Variants in CPNE4 observed in about 807,000 individuals in gnomAD.
CPNE4 encodes copine-4.
Under a neutral mutation model 67.9 loss-of-function variants are expected in CPNE4, and 25 were observed. That is an observed-to-expected ratio of 0.37 (90% CI 0.27 to 0.51). CPNE4 has a LOEUF of 0.51. CPNE4 is among the 20% of genes least tolerant of loss of function. The pLI, the probability that CPNE4 is intolerant of heterozygous loss-of-function variation, is 0.93. For missense variants in CPNE4, 464 were observed against 690.8 expected, an observed-to-expected ratio of 0.67 and a Z score of 3.68; for synonymous variants, 242 against 244.9, an observed-to-expected ratio of 0.99 and a Z score of 0.11.
rs553254068 is a variant in CPNE4, at chr3:131,886,500, G to A, written c.180+18764C>T. 5.4e-4 allele frequency among the ~76,000 whole-genome samples: 83 copies of A among 152,320 alleles called. No individual in the cohort carries two copies. The South Asian group carries it at 0.014, about 26-fold the overall frequency. On this transcript the variant is annotated intron_variant, in intron 2 of 15. Transcript: ENST00000429747. ...CACACAGAGTCCCTACTGGGGCATC[G>A]CCAGAGGAGCTGTGAGAAGAGGGCC...
At chr3:131,696,107 GCTGA>G (rs72398461) in intron 5 of CPNE4, among the ~76,000 whole-genome samples, 12,102 of 152,150 alleles carry the variant, frequency 0.08, 641 homozygotes, top group Non-Finnish European at 0.11. Context: ...GCATAAGTGG[GCTGA>G]CTATTAATAC....
chr3:131,626,113 C>G (rs943230038), intron 7 of CPNE4, among the ~76,000 whole-genome samples: 4 of 152,210 alleles, frequency 2.6e-5, no homozygotes, highest in African/African-American at 9.6e-5. Context: ...CTCTCTCCCT[C>G]TCCTTGGGCC....
At chr3:131,751,685 T>C (rs1011563536) in intron 2 of CPNE4, among the ~76,000 whole-genome samples, 2 of 152,192 alleles carry the variant, frequency 1.3e-5, no homozygotes, top group Non-Finnish European at 2.9e-5. Flanking sequence ...TCCTGGCTTT[T>C]GGTATGACAA....
rs559830791 is a variant in CPNE4, at chr3:131,560,987, G to T, written c.1061+3229C>A. Among the ~76,000 whole-genome samples, 5 of 152,174 alleles carry T rather than the reference G, an allele frequency of 3.3e-5. No individual in the cohort carries two copies. The South Asian group carries it at 6.2e-4, about 19-fold the overall frequency. Reference sequence around the variant, plus strand: ...ACTGTCTTCTCATCACTAAGCAACTGCTCTACACTTGAAAATACCTGTCAG... The same window carrying T: ...ACTGTCTTCTCATCACTAAGCAACTTCTCTACACTTGAAAATACCTGTCAG... On this transcript the variant is annotated intron_variant, in intron 11 of 15. Coordinates refer to ENST00000429747, the MANE Select transcript of CPNE4 (RefSeq NM_130808.3).
At chr3:131,556,926 C>T (rs562642397) in intron 11 of CPNE4, among the ~76,000 whole-genome samples, 1 of 152,218 alleles carries the variant, frequency 6.6e-6, no homozygotes, top group South Asian at 2.1e-4. Context: ...CTCACACAAT[C>T]CTGGAAGCTT....
chr3:131,682,869 C>T (rs981868948), intron 6 of CPNE4, among the ~76,000 whole-genome samples: 2 of 152,042 alleles, frequency 1.3e-5, no homozygotes, highest in African/African-American at 4.8e-5. Context: ...TTTTCCCACT[C>T]TTCCCTCCCC....
At chr3:131,769,323 C>T (rs1169762399) in intron 2 of CPNE4, among the ~76,000 whole-genome samples, 1 of 152,078 alleles carries the variant, frequency 6.6e-6, no homozygotes, top group East Asian at 1.9e-4. Flanking sequence ...TGCCCGGTTC[C>T]CTTCCTCTGA....
At chr3:131,987,223 A>C (rs543163924) in intron 1 of CPNE4, among the ~76,000 whole-genome samples, 1 of 152,330 alleles carries the variant, frequency 6.6e-6, no homozygotes, top group Non-Finnish European at 1.5e-5. Flanking sequence ...ACGATAGTAG[A>C]AGTAAAACCA....
chr3:131,804,827 T>C (rs2084254146), intron 2 of CPNE4, among the ~76,000 whole-genome samples: 1 of 152,220 alleles, frequency 6.6e-6, no homozygotes, highest in Admixed American at 6.5e-5. Flanking sequence ...AGTCTTCCCA[T>C]TTGCCCTTGT....
intron 2 of CPNE4, among the ~76,000 whole-genome samples, chr3:131,861,586 A>G (rs533062158): frequency 6.6e-6 from 1 of 152,000 alleles, no homozygotes; most frequent in African/African-American, 2.4e-5. Flanking sequence ...GCCTGCCACC[A>G]TGCTCGGCTA....
chr3:131,733,538 G>C (rs1221800814), intron 2 of CPNE4, among the ~76,000 whole-genome samples: 3 of 152,208 alleles, frequency 2.0e-5, no homozygotes, highest in Non-Finnish European at 4.4e-5. Flanking sequence ...CCCAACTCCA[G>C]CTGTAAGCTG....
intron 7 of CPNE4, among the ~76,000 whole-genome samples, chr3:131,654,969 T>C (rs2079914834): frequency 2.0e-5 from 3 of 152,220 alleles, no homozygotes; most frequent in Non-Finnish European, 4.4e-5. Context: ...ACTCCAAAGC[T>C]TTCTTCTTGC....
intron 3 of CPNE4, among the ~76,000 whole-genome samples, chr3:131,717,264 A>T (rs1421015034): frequency 6.6e-6 from 1 of 151,992 alleles, no homozygotes; most frequent in Non-Finnish European, 1.5e-5. Context: ...CTTAAAGACA[A>T]CATCGAGTTC....
chr3:131,579,093 G>T lies in CPNE4; in HGVS notation c.867+2486C>A, dbSNP rs138524952. ...CTGCCTGGCTTCAAATCTTCAAAGG[G>T]CAGGCTTACTTTCTTATTAGGGGCC... On this transcript the variant is annotated intron_variant, in intron 9 of 15. Coordinates refer to ENST00000429747, the MANE Select transcript of CPNE4 (RefSeq NM_130808.3). 1.3e-3 allele frequency among the ~76,000 whole-genome samples: 195 copies of T among 152,274 alleles called. 2 individuals are homozygous for T. The highest frequency in any genetic ancestry group is 3.4e-3 in the Middle Eastern group (1 of 294).
chr3:131,836,771 T>C (rs1003828584), intron 2 of CPNE4, among the ~76,000 whole-genome samples: 2 of 152,198 alleles, frequency 1.3e-5, no homozygotes, highest in Admixed American at 6.5e-5. Context: ...GGCACTGTTA[T>C]GAGAATGAAA....
chr3:131,846,301 A>C (rs1212185497), intron 2 of CPNE4, among the ~76,000 whole-genome samples: 7 of 152,202 alleles, frequency 4.6e-5, no homozygotes. Flanking sequence ...TTTAGTACAG[A>C]TCCTCTGGAA....
chr3:131,685,884 G>C lies in CPNE4; in HGVS notation c.582C>G (p.His194Gln). 2 of 1,611,134 alleles carry C rather than the reference G, an allele frequency of 1.2e-6. No individual in the cohort carries two copies. The highest frequency in any genetic ancestry group is 1.7e-6 in the Non-Finnish European group (2 of 1,177,412). Residue 194 changes from histidine to glutamine, a missense_variant, in exon 6 of 16, where the codon CAC (histidine) becomes CAG (glutamine). By Grantham distance (24) the His-to-Gln change is conservative. This residue lies in a region of CPNE4 where 58 missense variants were observed against 63.5 expected (regional missense o/e 0.91). Transcript: ENST00000429747. The stretch of plus-strand genomic sequence containing the variant: ...TGAAGATGACTCTTACCTCAGTTCG[G>C]TGCACCAGCTGCTGAGTTGCATCAT... The part of the protein sequence containing the change: ...MNDDATQQLV[H>Q]RTEVVMNNLS...
At chr3:131,550,785 G>T (rs1936129838) in intron 13 of CPNE4, among the ~76,000 whole-genome samples, 1 of 152,076 alleles carries the variant, frequency 6.6e-6, no homozygotes, top group Non-Finnish European at 1.5e-5. Context: ...ATAAGTGATG[G>T]TTATCATCAC....
intron 7 of CPNE4, among the ~76,000 whole-genome samples, chr3:131,646,360 T>C (rs2079664296): frequency 6.6e-6 from 1 of 152,142 alleles, no homozygotes; most frequent in East Asian, 1.9e-4. Context: ...CCCCTACATA[T>C]AGGGAAAATA....
Sources: gnomAD v4.1 joint callset for allele counts (sites outside exome capture counted in the v4.1 genomes callset) on GRCh38, gnomAD v4.1.1 for gene constraint, gnomAD v4.1.1 regional missense constraint, MANE v1.5 for transcripts, NCBI Gene and HGNC (gene_info 2026-07-23, HGNC 2026-07-21) for gene names.